ATRX: variants seen among roughly 807,000 people sequenced by gnomAD.
ATRX encodes the protein ATRX chromatin remodeler.
Under a neutral mutation model 172.6 loss-of-function variants are expected in ATRX, and 12 were observed. That is an observed-to-expected ratio of 0.07 (90% CI 0.04 to 0.11). The LOEUF (loss-of-function observed/expected upper bound fraction) is 0.11. Ranked by LOEUF, ATRX falls within the 10% of genes least tolerant of loss-of-function variation. The pLI is 1.00. For synonymous variants in ATRX, 674 were observed against 594.7 expected, an observed-to-expected ratio of 1.13 and a Z score of -1.94; for missense variants, 1,368 against 1,767.4, an observed-to-expected ratio of 0.77 and a Z score of 4.05.
intron 15 of ATRX, among the ~76,000 whole-genome samples, chrX:77,651,275 T>C (rs782486759): frequency 7.0e-5 from 7 of 100,225 alleles, no homozygotes; most frequent in African/African-American, 2.6e-4. Context: ...CCTGTGTTAG[T>C]AACTGCTGAA....
intron 1 of ATRX, among the ~76,000 whole-genome samples, chrX:77,773,092 T>TAAAAAAAAAAAAA (rs782649057): frequency 2.7e-5 from 1 of 37,358 alleles, no homozygotes; most frequent in Non-Finnish European, 4.2e-5. Context: ...AAATTTCAGC[T>TAAAAAAAAAAAAA]AAAAAAAAAA....
chrX:77,775,898 A>ATT (rs1324367017), intron 1 of ATRX, among the ~76,000 whole-genome samples: 3 of 110,021 alleles, frequency 2.7e-5, no homozygotes, highest in Non-Finnish European at 5.7e-5. Flanking sequence ...CGCCCGGCTA[A>ATT]TTTTTGTATT....
At chrX:77,738,644 A>G (rs1039815816) in intron 1 of ATRX, among the ~76,000 whole-genome samples, 7 of 102,258 alleles carry the variant, frequency 6.8e-5, no homozygotes, top group African/African-American at 2.5e-4. Flanking sequence ...TCTCACTGCA[A>G]CCTCCGCCTC....
intron 22 of ATRX, among the ~76,000 whole-genome samples, chrX:77,602,251 G>T (rs2066707500): frequency 9.0e-6 from 1 of 111,185 alleles, no homozygotes; most frequent in Non-Finnish European, 1.9e-5. Flanking sequence ...TTAAAGGATT[G>T]TTCTGCCTTG....
intron 2 of ATRX, among the ~76,000 whole-genome samples, chrX:77,705,861 C>G (rs782796953): frequency 7.9e-4 from 89 of 112,649 alleles, no homozygotes; most frequent in Non-Finnish European, 1.4e-3. Flanking sequence ...AACTACACAA[C>G]AACTTTGGTG....
chrX:77,612,494 C>T (rs1344927318), intron 22 of ATRX, among the ~76,000 whole-genome samples: 2 of 110,390 alleles, frequency 1.8e-5, no homozygotes, highest in African/African-American at 6.6e-5. Context: ...TAGATGATGG[C>T]TTGATAGGTA....
chrX:77,575,415 G>C (rs1456154146), intron 27 of ATRX: 2 of 110,347 alleles, frequency 1.8e-5, no homozygotes, highest in African/African-American at 6.6e-5. Flanking sequence ...ATTTGAGATG[G>C]ATACTTGCAT....
intron 1 of ATRX, among the ~76,000 whole-genome samples, chrX:77,764,070 T>C (rs942460326): frequency 1.8e-5 from 2 of 110,978 alleles, no homozygotes; most frequent in African/African-American, 3.3e-5. Flanking sequence ...TCCAAGATCA[T>C]GCCACTGTAC....
chrX:77,726,333 T>C (rs1216596983), intron 1 of ATRX, among the ~76,000 whole-genome samples: 2 of 109,795 alleles, frequency 1.8e-5, no homozygotes, highest in Non-Finnish European at 3.8e-5. Flanking sequence ...GGGACATGGA[T>C]GAAGCTGGAA....
At chrX:77,667,178 T>C (rs1231386476) in intron 10 of ATRX, among the ~76,000 whole-genome samples, 1 of 110,407 alleles carries the variant, frequency 9.1e-6, no homozygotes, top group Non-Finnish European at 1.9e-5. Flanking sequence ...GCACAGCACT[T>C]TTTTTTTCTG....
At chrX:77,581,500 T>A (rs1557073876) in intron 27 of ATRX, among the ~76,000 whole-genome samples, 3 of 111,939 alleles carry the variant, frequency 2.7e-5, no homozygotes. Flanking sequence ...AGTTCAATTC[T>A]ACAAGAGGAT....
intron 1 of ATRX, among the ~76,000 whole-genome samples, chrX:77,782,398 C>T (rs1011965148): frequency 4.5e-5 from 5 of 112,224 alleles, no homozygotes; most frequent in African/African-American, 1.6e-4. Context: ...AATCAATTGC[C>T]ATAAGGATTA....
At chrX:77,514,514 C>T (rs1387593468) in intron 34 of ATRX, among the ~76,000 whole-genome samples, 3 of 111,852 alleles carry the variant, frequency 2.7e-5, no homozygotes, top group African/African-American at 9.8e-5. Flanking sequence ...GAAAAGGACT[C>T]CCTACTCAAT....
chrX:77,749,950 T>A (rs1373732861), intron 1 of ATRX, among the ~76,000 whole-genome samples: 2 of 110,306 alleles, frequency 1.8e-5, no homozygotes, highest in Non-Finnish European at 3.8e-5. Flanking sequence ...AAGCAGATGA[T>A]CCTCCTTCTG....
intron 1 of ATRX, among the ~76,000 whole-genome samples, chrX:77,734,944 C>A (rs1324235953): frequency 3.7e-5 from 4 of 107,625 alleles, no homozygotes; most frequent in African/African-American, 1.4e-4. Flanking sequence ...AACCCCATCT[C>A]TACTCAAAAT....
chrX:77,615,427 A>G (rs1206135048), intron 22 of ATRX, among the ~76,000 whole-genome samples: 1 of 112,002 alleles, frequency 8.9e-6, no homozygotes, highest in Non-Finnish European at 1.9e-5. Flanking sequence ...CTTATTACTC[A>G]GAGATTAATT....
At chrX:77,728,764 C>CTTTTTTT (rs200509557) in intron 1 of ATRX, among the ~76,000 whole-genome samples, 1 of 94,097 alleles carries the variant, frequency 1.1e-5, no homozygotes, top group Non-Finnish European at 2.1e-5. Flanking sequence ...CTTTTCTTTT[C>CTTTTTTT]TTTTTTTTTT....
chrX:77,605,923 C>G (rs1201019819), intron 22 of ATRX, among the ~76,000 whole-genome samples: 1 of 111,468 alleles, frequency 9.0e-6, no homozygotes, highest in Admixed American at 9.5e-5. Flanking sequence ...GACATTAAAA[C>G]TGATACCACA....
At chrX:77,737,063 C>T (rs1302228627) in intron 1 of ATRX, among the ~76,000 whole-genome samples, 1 of 107,912 alleles carries the variant, frequency 9.3e-6, no homozygotes, top group Non-Finnish European at 1.9e-5. Flanking sequence ...AAGAGAAGTG[C>T]GAGGGGGGGC....
Sources: gnomAD v4.1 joint callset for allele counts (sites outside exome capture counted in the v4.1 genomes callset) on GRCh38, gnomAD v4.1.1 for gene constraint, MANE v1.5 for transcripts, NCBI Gene and HGNC (gene_info 2026-07-23, HGNC 2026-07-21) for gene names.